The following ERH variants were observed in gnomAD, a reference collection of about 807,000 sequenced individuals.
ERH encodes the protein ERH mRNA splicing and mitosis factor, also known as enhancer of rudimentary homolog.
A neutral mutation model predicts 16.8 loss-of-function variants in ERH; 1 was observed. The ratio of observed to expected loss-of-function variants is 0.06; its 90% CI spans 0.02 to 0.28. The LOEUF (loss-of-function observed/expected upper bound fraction) is 0.28, where lower values mean the gene tolerates loss of function less well. Ranked by LOEUF, ERH falls within the 10% of genes least tolerant of loss-of-function variation. The pLI is 1.00. For missense variants in ERH, 42 were observed against 127.5 expected (o/e 0.33, Z 3.23); for synonymous variants, 43 against 43.6 (o/e 0.99, Z 0.05).
intron 2 of ERH, among the ~76,000 whole-genome samples, chr14:69,390,383 A>T (rs1566900652): frequency 6.6e-6 from 1 of 152,242 alleles, no homozygotes; most frequent in Non-Finnish European, 1.5e-5. Flanking sequence ...ATGGAACAGA[A>T]ATGAGAGTCC....
intron 2 of ERH, among the ~76,000 whole-genome samples, chr14:69,392,440 G>C (rs1417957959): frequency 6.6e-6 from 1 of 152,176 alleles, no homozygotes; most frequent in Non-Finnish European, 1.5e-5. Flanking sequence ...ACACGATAAT[G>C]ATTCCAACTA....
intron 2 of ERH, among the ~76,000 whole-genome samples, chr14:69,392,081 T>G (rs927700694): frequency 1.3e-5 from 2 of 151,970 alleles, no homozygotes; most frequent in African/African-American, 2.4e-5. Flanking sequence ...CTCTGTACTT[T>G]CCAAACAATT....
In ERH at chr14:69,398,067, C is replaced by A. The variant is rs2232048; in HGVS notation, c.3+164G>T. 4,508 of 914,272 alleles carry A rather than the reference C, an allele frequency of 4.9e-3. 30 individuals are homozygous for A. Among genetic ancestry groups the A allele is most frequent in the Non-Finnish European group, 4.8e-3 (2,843 of 590,390 alleles). 56.6% of individuals were successfully genotyped at this position (914,272 alleles called of 1,614,324 possible). ...CGGGGCTCCGAGGCCTAGAGTCAGG[C>A]CTGGCGTCCCTGCGGCGGGAAGAAG... On this transcript the variant is annotated intron_variant, in intron 1 of 3. Transcript: ENST00000557016.
At chr14:69,388,671 CCTTT>C (rs1216256012) in intron 2 of ERH, among the ~76,000 whole-genome samples, 1 of 152,104 alleles carries the variant, frequency 6.6e-6, no homozygotes. Context: ...CTGATACTCT[CCTTT>C]CTTATTCCCA....
At chr14:69,389,579 G>C (rs1345301969) in intron 2 of ERH, among the ~76,000 whole-genome samples, 1 of 152,118 alleles carries the variant, frequency 6.6e-6, no homozygotes, top group Non-Finnish European at 1.5e-5. Context: ...TAAGAAATGA[G>C]TACAGCAAGG....
intron 3 of ERH, 83 bp downstream of exon 3, chr14:69,386,880 A>T (rs1045711835): frequency 7.6e-5 from 99 of 1,307,648 alleles, no homozygotes; most frequent in Admixed American, 1.7e-4. Context: ...GCACATAATT[A>T]GCTCCCAATA....
At chr14:69,395,989 C>T (rs145768960) in intron 1 of ERH, among the ~76,000 whole-genome samples, 1 of 152,170 alleles carries the variant, frequency 6.6e-6, no homozygotes, top group Non-Finnish European at 1.5e-5. Context: ...GCTCTATTAC[C>T]TTTTGGGTTG....
chr14:69,393,233 T>G (rs1882255810), intron 2 of ERH, among the ~76,000 whole-genome samples: 1 of 152,104 alleles, frequency 6.6e-6, no homozygotes, highest in Non-Finnish European at 1.5e-5. Flanking sequence ...AGGAGAATCA[T>G]TTGAACCAAG....
intron 3 of ERH, among the ~76,000 whole-genome samples, chr14:69,385,152 A>G (rs1168114295): frequency 6.6e-6 from 1 of 152,138 alleles, no homozygotes. Flanking sequence ...ATATGCCCTC[A>G]ACCTTTAGCA....
rs901608345 is a variant in ERH at position 69,380,296 on chromosome 14, C to T, written c.*242G>A. 1 of 380,114 alleles carries T rather than the reference C, an allele frequency of 2.6e-6. No homozygotes were observed. Among genetic ancestry groups the T allele is most frequent in the African/African-American group, 2.1e-5 (1 of 47,218 alleles). The allele number at this position is 380,114 out of a possible 1,614,324, so 23.5% of individuals were successfully genotyped here. A position where few individuals can be genotyped will look rare whatever the true frequency, so the allele number is the denominator to read the frequency against. On this transcript the variant is annotated 3_prime_UTR_variant, in exon 4 of 4. Coordinates refer to ENST00000557016, the MANE Select transcript of ERH (RefSeq NM_004450.3). The stretch of plus-strand genomic sequence containing the variant: ...ACCAACATTAAGTGACGAAGAACAA[C>T]TTCCATCTAAATCATCATAAAAATG...
intron 1 of ERH, 194 bp downstream of exon 1, chr14:69,398,037 C>T: frequency 1.4e-6 from 1 of 705,980 alleles, no homozygotes; most frequent in Non-Finnish European, 2.4e-6. Context: ...AACCGCAGGG[C>T]GGACCGGGGC....
chr14:69,387,744 T>C (rs2045900872), intron 2 of ERH, among the ~76,000 whole-genome samples: 1 of 145,508 alleles, frequency 6.9e-6, no homozygotes, highest in Admixed American at 6.8e-5. Flanking sequence ...TCCTAATGTA[T>C]ATTTAAGATC....
chr14:69,388,374 C>A (rs1036484271), intron 2 of ERH, among the ~76,000 whole-genome samples: 19 of 145,088 alleles, frequency 1.3e-4, no homozygotes, highest in African/African-American at 4.1e-4. Flanking sequence ...TTTTTTTTTT[C>A]TTTGAGATGG....
chr14:69,394,233 A>G (rs1882283612), intron 2 of ERH, among the ~76,000 whole-genome samples: 1 of 152,162 alleles, frequency 6.6e-6, no homozygotes, highest in Admixed American at 6.5e-5. Flanking sequence ...TAAGAAGAGA[A>G]TATTTATAAA....
intron 2 of ERH, among the ~76,000 whole-genome samples, chr14:69,390,843 G>T (rs1178467960): frequency 2.0e-5 from 3 of 152,144 alleles, no homozygotes; most frequent in Admixed American, 6.5e-5. Flanking sequence ...ATGAAAAATA[G>T]GCAGAAGATC....
intron 2 of ERH, among the ~76,000 whole-genome samples, chr14:69,390,611 A>G (rs765751794): frequency 2.0e-5 from 3 of 152,252 alleles, no homozygotes; most frequent in African/African-American, 7.2e-5. Flanking sequence ...AATATTTGTG[A>G]CCTTGGATAA....
At chr14:69,387,695 CAAA>C (rs57516317) in intron 2 of ERH, among the ~76,000 whole-genome samples, 2 of 113,376 alleles carry the variant, frequency 1.8e-5, no homozygotes, top group Non-Finnish European at 1.8e-5. Context: ...AGCCACAGAG[CAAA>C]AAAAAAAAAA....
intron 1 of ERH, 125 bp from the exon 2 acceptor site, chr14:69,395,037 G>T: frequency 1.4e-6 from 1 of 696,926 alleles, no homozygotes; most frequent in Non-Finnish European, 2.4e-6. Flanking sequence ...AGAGAGGCCA[G>T]GCATGGCATC....
intron 1 of ERH, among the ~76,000 whole-genome samples, chr14:69,396,471 G>C (rs1032570512): frequency 6.6e-6 from 1 of 152,180 alleles, no homozygotes; most frequent in Non-Finnish European, 1.5e-5. Flanking sequence ...ATGTTGGTCA[G>C]ACTGGTCTTG....
Sources: allele counts gnomAD v4.1 joint callset (sites outside exome capture counted in the v4.1 genomes callset), GRCh38; gene constraint gnomAD v4.1.1; transcripts MANE v1.5; gene names NCBI Gene and HGNC (gene_info 2026-07-23, HGNC 2026-07-21).